Variants in ZNF292 observed in about 807,000 individuals in gnomAD.
ZNF292 encodes zinc finger protein 292, also known as 16 zinc-finger domain protein.
ZNF292 carries 26 observed loss-of-function variants against 217.9 expected under a neutral mutation model. The ratio of observed to expected loss-of-function variants is 0.12; its 90% CI spans 0.09 to 0.17. The LOEUF (loss-of-function observed/expected upper bound fraction) is 0.17. ZNF292 is among the 10% of genes least tolerant of loss of function. The pLI is 1.00. For synonymous variants in ZNF292, 1,257 were observed against 1,124.1 expected (o/e 1.12, Z -2.37); for missense variants, 2,904 against 3,175.2 (o/e 0.91, Z 2.05).
chr6:87,241,126 T>C (rs761515956), intron 5 of ZNF292, among the ~76,000 whole-genome samples: 2 of 152,038 alleles, frequency 1.3e-5, no homozygotes, highest in Non-Finnish European at 2.9e-5. Flanking sequence ...CTACTAAAAA[T>C]ACAAAACATT....
rs1163920310 is a variant in ZNF292, at chr6:87,262,736, T to A, written c.*935T>A. ...TGCCTTAAATAAAATCACATTTCATTTCTTGTTTTATACATGTGATCTTAT... is the reference window on the plus strand; with the variant it reads ...TGCCTTAAATAAAATCACATTTCATATCTTGTTTTATACATGTGATCTTAT... On this transcript the variant is annotated 3_prime_UTR_variant, in exon 8 of 8. Transcript: ENST00000369577. The A allele has an allele frequency of 6.6e-6, 1 of 152,010 alleles. No homozygotes were observed. Among genetic ancestry groups the A allele is most frequent in the Non-Finnish European group, 1.5e-5 (1 of 67,892 alleles). 9.4% of individuals were successfully genotyped at this position (152,010 alleles called of 1,614,324 possible).
intron 1 of ZNF292, 125 bp from the exon 2 acceptor site, chr6:87,215,778 A>G (rs1772721408): frequency 3.0e-6 from 2 of 660,904 alleles, no homozygotes; most frequent in Non-Finnish European, 4.7e-6. Flanking sequence ...ATCAATATAA[A>G]CTACTTTTTG....
chr6:87,204,449 A>C (rs933609000), intron 1 of ZNF292, among the ~76,000 whole-genome samples: 1 of 152,130 alleles, frequency 6.6e-6, no homozygotes, highest in Non-Finnish European at 1.5e-5. Flanking sequence ...TTAGGAAAAA[A>C]ATGTCTTTGT....
At chr6:87,232,772 A>C (rs879483276) in intron 4 of ZNF292, among the ~76,000 whole-genome samples, 2 of 152,028 alleles carry the variant, frequency 1.3e-5, no homozygotes, top group African/African-American at 2.4e-5. Flanking sequence ...CTCCCATCTT[A>C]TTTATTTTTC....
At chr6:87,232,613 C>T (rs563921015) in intron 4 of ZNF292, among the ~76,000 whole-genome samples, 2 of 152,106 alleles carry the variant, frequency 1.3e-5, no homozygotes, top group South Asian at 2.1e-4. Context: ...CAAACAAGCA[C>T]TAGGGGATAG....
intron 1 of ZNF292, among the ~76,000 whole-genome samples, chr6:87,169,135 C>T (rs1464557355): frequency 2.0e-5 from 3 of 152,000 alleles, no homozygotes; most frequent in African/African-American, 7.3e-5. Flanking sequence ...CTCCGCCTCC[C>T]GGGTTCAAGC....
In ZNF292 at chr6:87,256,947, T is replaced by C; in HGVS notation, c.3318T>C (p.Thr1106=). The change falls in exon 8 of 8, where the codon ACT becomes ACC. Residue 1106 remains threonine (T), a synonymous_variant. Coordinates refer to ENST00000369577, the MANE Select transcript of ZNF292 (RefSeq NM_015021.3). ...QKFSCQVEGC[T]RTYNSSQSIG... ...TCAGCTGCCAGGTCGAGGGATGTAC[T>C]CGAACCTATAATTCTTCACAGAGTA... 1.2e-6 allele frequency: 2 copies of C among 1,613,796 alleles called. No individual in the cohort carries two copies. Among genetic ancestry groups the C allele is most frequent in the Non-Finnish European group, 1.7e-6 (2 of 1,179,830 alleles).
Position 87,261,193 on chromosome 6 carries a change from T to C in ZNF292, c.7564T>C (p.Ser2522Pro), listed in dbSNP as rs750916925. ...TTTTCAGGAAGATAACCTCTGCCAGTCAGAAAGACAAAAAGCAAGTAATTT... is the reference window on the plus strand; with the variant it reads ...TTTTCAGGAAGATAACCTCTGCCAGCCAGAAAGACAAAAAGCAAGTAATTT... ...NDFQEDNLCQSERQKASNLKR... is the reference protein window; with the variant it reads ...NDFQEDNLCQPERQKASNLKR... Residue 2522 changes from serine (S) to proline (P), a missense_variant, in exon 8 of 8, where the codon TCA becomes CCA. Transcript: ENST00000369577. The C allele has an allele frequency of 2.5e-6, 4 of 1,612,136 alleles. No individual in the cohort carries two copies. In the South Asian group the frequency reaches 4.4e-5, roughly 18 times the overall value.
chr6:87,234,168 A>G (rs551185886), intron 5 of ZNF292, among the ~76,000 whole-genome samples: 5 of 152,334 alleles, frequency 3.3e-5, no homozygotes, highest in Admixed American at 2.0e-4. Context: ...ATTTTGAGGG[A>G]CTTACAATTT....
chr6:87,195,861 C>T (rs989103320), intron 1 of ZNF292, among the ~76,000 whole-genome samples: 3 of 151,832 alleles, frequency 2.0e-5, no homozygotes, highest in Admixed American at 1.3e-4. Context: ...AACCCCGTCT[C>T]TACTGAAAAT....
chr6:87,261,793 C>A lies in ZNF292; in HGVS notation c.8164C>A (p.Gln2722Lys). The change falls in exon 8 of 8, where the codon CAG becomes AAG. Residue 2722 changes from glutamine (Q) to lysine (K), a missense_variant. Around this residue, in one of 15 missense-constraint regions of ZNF292, gnomAD observed 380 missense variants for 355.3 expected, o/e 1.07. Transcript: ENST00000369577. Reference protein sequence around the residue: ...ISIGKATGRGQY With the variant: ...ISIGKATGRGKY ...TATAGGTAAAGCCACAGGCAGAGGT[C>A]AGTACTGATAATTAATGTAGTATAA... 3 of 1,598,960 alleles carry A rather than the reference C, an allele frequency of 1.9e-6. No homozygotes were observed. The South Asian group carries it at 3.3e-5, about 18-fold the overall frequency.
In ZNF292 at chr6:87,155,962, A is replaced by T. The variant is rs994716291; in HGVS notation, c.168+203A>T. 2.0e-5 allele frequency among the ~76,000 whole-genome samples: 3 copies of T among 151,766 alleles called. No individual in the cohort carries two copies. In the South Asian group the frequency reaches 6.2e-4, roughly 31 times the overall value. On this transcript the variant is annotated intron_variant, in intron 1 of 7. Coordinates refer to ENST00000369577, the MANE Select transcript of ZNF292 (RefSeq NM_015021.3). ...GTCGTCTGCAGCTCCTGGCTGGGGG[A>T]AGGGAGTTGCGGTCAAGGCGGAAAA... is the stretch of plus-strand genomic sequence containing the variant.
At position 87,261,611 on chromosome 6, in the gene ZNF292, A is replaced by G. The variant is rs370593899; in HGVS notation, c.7982A>G (p.Gln2661Arg). 1.9e-6 allele frequency: 3 copies of G among 1,611,076 alleles called. No individual in the cohort carries two copies. The highest frequency in any genetic ancestry group is 1.7e-4 in the Middle Eastern group (1 of 6,048). ...FVQFANPSQL[Q>R]CSDNVKIVLD... ...CAGTTTGCCAATCCATCACAGCTTC[A>G]GTGCAGTGATAATGTAAAAATTGTT... Residue 2661 changes from glutamine to arginine, a missense_variant, in exon 8 of 8, where the codon CAG becomes CGG. Around this residue, in one of 15 missense-constraint regions of ZNF292, gnomAD observed 380 missense variants for 355.3 expected, o/e 1.07. Transcript: ENST00000369577.
chr6:87,192,945 T>C (rs1398159908), intron 1 of ZNF292, among the ~76,000 whole-genome samples: 4 of 152,196 alleles, frequency 2.6e-5, no homozygotes, highest in South Asian at 2.1e-4. Context: ...CAGGAATGTG[T>C]TCAATTACTG....
At chr6:87,181,229 G>A (rs934785336) in intron 1 of ZNF292, among the ~76,000 whole-genome samples, 4 of 152,130 alleles carry the variant, frequency 2.6e-5, no homozygotes, top group Non-Finnish European at 5.9e-5. Flanking sequence ...AGGCTCGAAG[G>A]ATGAGTGCAA....
rs1408166723 is a variant in ZNF292, at chr6:87,254,713, A to G, written c.1084A>G (p.Thr362Ala). Residue 362 changes from threonine to alanine, a missense_variant, in exon 8 of 8, where the codon ACA becomes GCA. By Grantham distance (58) the Thr-to-Ala change is moderately conservative. This residue lies in a region of ZNF292 where 313 missense variants were observed against 451.0 expected (regional missense o/e 0.69). Coordinates refer to ENST00000369577, the MANE Select transcript of ZNF292 (RefSeq NM_015021.3). ...TGTAAAGGCTCTTCGCTTGGAGTCT[A>G]CAGAAAATACTGAAGTGAAAATATC... ...LCVKALRLES[T>A]ENTEVKISIC... 1 of 1,613,970 alleles carries G rather than the reference A, an allele frequency of 6.2e-7. No homozygotes were observed. The highest frequency in any genetic ancestry group is 1.1e-5 in the South Asian group (1 of 91,084).
intron 1 of ZNF292, among the ~76,000 whole-genome samples, chr6:87,194,352 A>G (rs1771899532): frequency 6.6e-6 from 1 of 151,498 alleles, no homozygotes; most frequent in South Asian, 2.1e-4. Context: ...TTTAATATTT[A>G]TGTAAAATTA....
chr6:87,174,290 T>C (rs959038), intron 1 of ZNF292: 95,529 of 151,814 alleles, frequency 0.63, 31,619 homozygotes, highest in African/African-American at 0.84. Context: ...AGCCGTGTGA[T>C]TTGTCCAAGA....
At chr6:87,160,724 G>C (rs1207774976) in intron 1 of ZNF292, among the ~76,000 whole-genome samples, 1 of 151,454 alleles carries the variant, frequency 6.6e-6, no homozygotes, top group Non-Finnish European at 1.5e-5. Flanking sequence ...ATATAAGCAG[G>C]GCTTCTCAAC....
Sources: gnomAD v4.1 joint callset for allele counts (sites outside exome capture counted in the v4.1 genomes callset) on GRCh38, gnomAD v4.1.1 for gene constraint, gnomAD v4.1.1 regional missense constraint, MANE v1.5 for transcripts, NCBI Gene and HGNC (gene_info 2026-07-23, HGNC 2026-07-21) for gene names.